The following GALNTL6 variants were observed in gnomAD, a reference collection of about 807,000 sequenced individuals.
GALNTL6 encodes the protein polypeptide N-acetylgalactosaminyltransferase-like 6.
GALNTL6 carries 46 observed loss-of-function variants against 73.7 expected under a neutral mutation model. The ratio of observed to expected loss-of-function variants is 0.62; its 90% confidence interval spans 0.49 to 0.80. The LOEUF (loss-of-function observed/expected upper bound fraction) is 0.80, where lower values mean the gene tolerates loss of function less well. Among genes scored for constraint, GALNTL6 ranks in the 30% least tolerant of loss-of-function variants. The pLI is 0.00. For missense variants in GALNTL6, 604 were observed against 755.0 expected, an observed-to-expected ratio of 0.80 and a Z score of 2.34; for synonymous variants, 259 against 263.7, an observed-to-expected ratio of 0.98 and a Z score of 0.17.
intron 2 of GALNTL6, among the ~76,000 whole-genome samples, chr4:171,923,704 T>A (rs1737872914): frequency 6.6e-6 from 1 of 151,658 alleles, no homozygotes; most frequent in Non-Finnish European, 1.5e-5. Flanking sequence ...TGACATTTTT[T>A]AAAAAGGCTT....
rs1671571 is a variant in GALNTL6, at chr4:172,645,023, G to A, written c.554-164338G>A. Among the ~76,000 whole-genome samples the A allele has an allele frequency of 8.5e-3, 1,297 of 152,002 alleles. 19 individuals are homozygous for A. The highest frequency in any genetic ancestry group is 0.03 in the African/African-American group (1,245 of 41,486). On this transcript the variant is annotated intron_variant, in intron 5 of 12. Coordinates refer to ENST00000506823, the MANE Select transcript of GALNTL6 (RefSeq NM_001034845.3). ...TGTAATGTGTCTGTTCAACCCTTTT[G>A]ACCATTTTTAATTGGATTTTCTGTT... is the stretch of plus-strand genomic sequence containing the variant.
intron 8 of GALNTL6, 39 bp from the exon 9 acceptor site, chr4:172,931,122 A>C (rs1412579596): frequency 9.3e-7 from 1 of 1,078,220 alleles, no homozygotes. Flanking sequence ...TCTTGTGTGA[A>C]ATTCACTGTT....
chr4:172,867,557 T>C (rs1744722851), intron 7 of GALNTL6, among the ~76,000 whole-genome samples: 1 of 152,192 alleles, frequency 6.6e-6, no homozygotes, highest in Admixed American at 6.5e-5. Flanking sequence ...GATTTGTCCA[T>C]ATAAGTCTCA....
intron 2 of GALNTL6, among the ~76,000 whole-genome samples, chr4:171,837,238 G>A (rs1227776251): frequency 6.6e-6 from 1 of 152,070 alleles, no homozygotes; most frequent in Admixed American, 6.6e-5. Context: ...GAAATAACTG[G>A]CCTGTAATCT....
chr4:172,726,956 C>T (rs1413100901), intron 5 of GALNTL6, among the ~76,000 whole-genome samples: 1 of 152,154 alleles, frequency 6.6e-6, no homozygotes, highest in Non-Finnish European at 1.5e-5. Flanking sequence ...AATAGATTAA[C>T]TTTCAGGAAT....
At chr4:172,118,118 G>A (rs979658712) in intron 2 of GALNTL6, among the ~76,000 whole-genome samples, 2 of 152,112 alleles carry the variant, frequency 1.3e-5, no homozygotes, top group Non-Finnish European at 2.9e-5. Context: ...GAGATGTGGA[G>A]AGTAGACAGC....
chr4:172,485,188 T>C (rs1326502194), intron 5 of GALNTL6, among the ~76,000 whole-genome samples: 1 of 152,146 alleles, frequency 6.6e-6, no homozygotes, highest in African/African-American at 2.4e-5. Context: ...GTATTGTCTC[T>C]AGTTTTCTAC....
chr4:172,793,179 C>T (rs192317967), intron 5 of GALNTL6, among the ~76,000 whole-genome samples: 243 of 152,224 alleles, frequency 1.6e-3, no homozygotes, highest in Non-Finnish European at 3.0e-3. Context: ...CTAGTATTGA[C>T]TTTGCTTGGT....
chr4:173,008,842 A>C (rs1404697853), intron 10 of GALNTL6, among the ~76,000 whole-genome samples: 1 of 152,208 alleles, frequency 6.6e-6, no homozygotes, highest in East Asian at 1.9e-4. Flanking sequence ...TAACATCAGA[A>C]ATCCTATGTA....
intron 3 of GALNTL6, among the ~76,000 whole-genome samples, chr4:172,265,305 G>A (rs1489046292): frequency 6.6e-6 from 1 of 152,000 alleles, no homozygotes; most frequent in Non-Finnish European, 1.5e-5. Flanking sequence ...AACCCTCCAT[G>A]TTATGTTGCT....
At chr4:172,681,679 A>G (rs1022414396) in intron 5 of GALNTL6, among the ~76,000 whole-genome samples, 2 of 152,226 alleles carry the variant, frequency 1.3e-5, no homozygotes, top group African/African-American at 4.8e-5. Flanking sequence ...ATAACAGAGA[A>G]GAGTGAAATT....
At chr4:172,846,235 A>G (rs377707972) in intron 7 of GALNTL6, among the ~76,000 whole-genome samples, 1 of 152,360 alleles carries the variant, frequency 6.6e-6, no homozygotes, top group East Asian at 1.9e-4. Context: ...TTGCAGGCCA[A>G]CTACCAGAAG....
chr4:171,967,944 C>T (rs1472100990), intron 2 of GALNTL6, among the ~76,000 whole-genome samples: 7 of 152,240 alleles, frequency 4.6e-5, no homozygotes, highest in Non-Finnish European at 7.4e-5. Context: ...GGTCCTAGGA[C>T]GCCTGAAGCA....
chr4:172,870,129 C>G (rs1216429987), intron 7 of GALNTL6, among the ~76,000 whole-genome samples: 1 of 151,994 alleles, frequency 6.6e-6, no homozygotes, highest in Non-Finnish European at 1.5e-5. Flanking sequence ...CCAGTGTACC[C>G]CTAACTATTT....
At chr4:171,891,323 C>T (rs911182280) in intron 2 of GALNTL6, among the ~76,000 whole-genome samples, 144 of 152,280 alleles carry the variant, frequency 9.5e-4, no homozygotes, top group African/African-American at 3.2e-3. Flanking sequence ...TTGGAGCCAG[C>T]GTTCTTGGAG....
chr4:172,023,843 C>T (rs1056765540), intron 2 of GALNTL6, among the ~76,000 whole-genome samples: 1 of 151,758 alleles, frequency 6.6e-6, no homozygotes, highest in Non-Finnish European at 1.5e-5. Flanking sequence ...AATACAAATA[C>T]ATTTATGGCA....
rs778038331 is a variant in GALNTL6 at position 172,723,416 on chromosome 4, A to G, written c.554-85945A>G. On this transcript the variant is annotated intron_variant, in intron 5 of 12. Transcript: ENST00000506823. Reference sequence around the variant, plus strand: ...TACTTATTTAACCTCATGGGTTTCCATTTCCTCATCTAATCATAGGAAATT... The same window carrying G: ...TACTTATTTAACCTCATGGGTTTCCGTTTCCTCATCTAATCATAGGAAATT... Among the ~76,000 whole-genome samples the G allele has an allele frequency of 9.1e-4, 139 of 152,224 alleles. 3 individuals are homozygous for G. Among genetic ancestry groups the G allele is most frequent in the Middle Eastern group, 6.8e-3 (2 of 294 alleles).
At chr4:172,179,500 GTTGT>G (rs1385248598) in intron 2 of GALNTL6, among the ~76,000 whole-genome samples, 1 of 138,062 alleles carries the variant, frequency 7.2e-6, no homozygotes, top group Non-Finnish European at 1.5e-5. Context: ...TTTTGATGGG[GTTGT>G]TTGTTTTTTT....
At chr4:172,895,063 C>T (rs1340509472) in intron 8 of GALNTL6, among the ~76,000 whole-genome samples, 1 of 150,966 alleles carries the variant, frequency 6.6e-6, no homozygotes, top group Non-Finnish European at 1.5e-5. Context: ...CATCCCATCA[C>T]CTTCAGTATA....
Sources: allele counts gnomAD v4.1 joint callset (sites outside exome capture counted in the v4.1 genomes callset), GRCh38; gene constraint gnomAD v4.1.1; transcripts MANE v1.5; gene names NCBI Gene and HGNC (gene_info 2026-07-23, HGNC 2026-07-21).